The following ABCA12 variants were observed in gnomAD, a reference collection of about 807,000 sequenced individuals.
ABCA12 encodes ATP binding cassette subfamily A member 12.
In ABCA12, 156 loss-of-function variants were observed where a neutral mutation model predicts 293.5. The observed-to-expected ratio is 0.53, with a 90% confidence interval of 0.47 to 0.61. The LOEUF (loss-of-function observed/expected upper bound fraction) is 0.61, where lower values mean the gene tolerates loss of function less well. Ranked by LOEUF, ABCA12 falls within the 20% of genes least tolerant of loss-of-function variation. The pLI is 0.00. For synonymous variants in ABCA12, 1,063 were observed against 1,108.0 expected, an observed-to-expected ratio of 0.96 and a Z score of 0.81; for missense variants, 2,797 against 3,090.2, an observed-to-expected ratio of 0.91 and a Z score of 2.25.
intron 41 of ABCA12, among the ~76,000 whole-genome samples, chr2:214,957,994 C>T (rs1160143750): frequency 1.3e-5 from 2 of 152,114 alleles, no homozygotes; most frequent in African/African-American, 2.4e-5. Flanking sequence ...TCTCCACGCT[C>T]CCCTCCTAAG....
rs781667702 is a variant in ABCA12, at chr2:214,955,358, A to G, written c.6237T>C (p.Tyr2079=). ...GCAAGTACATCCAGGAAAATGTTGC[A>G]TACCTGCAGGTTAAAAACACAAAGA... is the stretch of plus-strand genomic sequence containing the variant. ...AVSLLLLLFG[Y]ATFSWMYLLA... Residue 2079 remains tyrosine, a synonymous_variant, in exon 43 of 53, where the codon TAT becomes TAC. Coordinates refer to ENST00000272895, the MANE Select transcript of ABCA12 (RefSeq NM_173076.3). The G allele has an allele frequency of 1.2e-6, 2 of 1,614,114 alleles. No homozygotes were observed. The highest frequency in any genetic ancestry group is 1.1e-5 in the South Asian group (1 of 91,088).
chr2:215,050,361 AC>A (rs1024613686), intron 5 of ABCA12, among the ~76,000 whole-genome samples: 7 of 152,284 alleles, frequency 4.6e-5, no homozygotes, highest in Admixed American at 3.9e-4. Flanking sequence ...AAAAAGGAAA[AC>A]GTATGTGAAA....
At chr2:215,071,052 C>G (rs994095189) in intron 2 of ABCA12, among the ~76,000 whole-genome samples, 1 of 151,616 alleles carries the variant, frequency 6.6e-6, no homozygotes, top group African/African-American at 2.4e-5. Context: ...CACAAACTAT[C>G]TCGGCATGCT....
At position 214,968,506 on chromosome 2, in the gene ABCA12, C is replaced by CTACTA. The variant is rs1699314005; in HGVS notation, c.5778+209_5778+213dup. 2.0e-5 allele frequency among the ~76,000 whole-genome samples: 3 copies of CTACTA among 152,000 alleles called. No homozygotes were observed. The South Asian group carries it at 6.2e-4, about 32-fold the overall frequency. On this transcript the variant is annotated intron_variant, in intron 38 of 52. Transcript: ENST00000272895. ...GCGTTTTTGGCTATTATGAGAAATG[C>CTACTA]TACTATGTATACACATTTGTACGTG...
intron 1 of ABCA12, among the ~76,000 whole-genome samples, chr2:215,126,614 AT>A (rs1265953673): frequency 6.6e-6 from 1 of 151,978 alleles, no homozygotes; most frequent in African/African-American, 2.4e-5. Context: ...GCCTTGAATG[AT>A]CTTTTGTATT....
chr2:215,134,473 T>A (rs1703148615), intron 1 of ABCA12, among the ~76,000 whole-genome samples: 1 of 130,288 alleles, frequency 7.7e-6, no homozygotes, highest in Admixed American at 7.8e-5. Context: ...CATATGTGTA[T>A]GTGTATATAT....
chr2:215,077,214 T>A (rs1444415168), intron 2 of ABCA12, among the ~76,000 whole-genome samples: 2 of 152,218 alleles, frequency 1.3e-5, no homozygotes, highest in Admixed American at 1.3e-4. Flanking sequence ...AGGTCTGTTA[T>A]TTTTGTGCTT....
rs75199998 is a variant in ABCA12 at position 215,032,012 on chromosome 2, A to G, written c.986-116T>C. On this transcript the variant is annotated intron_variant, in intron 8 of 52. Coordinates refer to ENST00000272895, the MANE Select transcript of ABCA12 (RefSeq NM_173076.3). ...GAGGAGAAAATGCAGAAATCTGCAGAATCATTCTCAAAAGAATTGTATAAA... is the reference window on the plus strand; with the variant it reads ...GAGGAGAAAATGCAGAAATCTGCAGGATCATTCTCAAAAGAATTGTATAAA... 4.6e-4 allele frequency: 714 copies of G among 1,567,122 alleles called. 8 individuals carry two copies. In the African/African-American group the frequency reaches 8.8e-3, roughly 19 times the overall value.
At chr2:214,950,376 A>G (rs1365359588) in intron 45 of ABCA12, among the ~76,000 whole-genome samples, 18 of 77,636 alleles carry the variant, frequency 2.3e-4, no homozygotes, top group South Asian at 7.1e-4. Flanking sequence ...GTGTGTGTAT[A>G]TATATATCTG....
intron 19 of ABCA12, among the ~76,000 whole-genome samples, chr2:215,005,443 C>T (rs908616185): frequency 6.6e-6 from 1 of 152,090 alleles, no homozygotes; most frequent in Non-Finnish European, 1.5e-5. Context: ...ACATATTAGT[C>T]GAGCACATAT....
chr2:215,073,944 GA>G (rs528031449), intron 2 of ABCA12, among the ~76,000 whole-genome samples: 140 of 152,294 alleles, frequency 9.2e-4, no homozygotes, highest in Non-Finnish European at 1.4e-3. Context: ...CCCCTTCTGG[GA>G]AAGCCAGAAT....
At chr2:215,065,064 A>G (rs1435141920) in intron 2 of ABCA12, among the ~76,000 whole-genome samples, 3 of 151,932 alleles carry the variant, frequency 2.0e-5, no homozygotes, top group African/African-American at 7.2e-5. Context: ...AGTAATTTTC[A>G]TAGTGAGGGG....
intron 2 of ABCA12, among the ~76,000 whole-genome samples, chr2:215,069,626 C>T (rs906210902): frequency 2.0e-5 from 3 of 152,134 alleles, no homozygotes; most frequent in South Asian, 2.1e-4. Context: ...TGTTCTCCTT[C>T]GCATGCACCT....
At chr2:214,962,355 T>C (rs1257860810) in intron 39 of ABCA12, 3 of 152,204 alleles carry the variant, frequency 2.0e-5, no homozygotes, top group Admixed American at 2.0e-4. Context: ...TTCTAGGCCT[T>C]AGAGAAATAA....
intron 1 of ABCA12, among the ~76,000 whole-genome samples, chr2:215,136,565 T>A (rs1212375119): frequency 6.6e-6 from 1 of 152,166 alleles, no homozygotes; most frequent in African/African-American, 2.4e-5. Context: ...TTCCTCTGTG[T>A]TTTTGTTTTT....
chr2:215,003,419 C>T (rs1264658823), intron 20 of ABCA12, among the ~76,000 whole-genome samples: 2 of 152,148 alleles, frequency 1.3e-5, no homozygotes, highest in Admixed American at 1.3e-4. Context: ...TTTTGAGTCT[C>T]CCCATTGCGT....
At chr2:215,035,408 G>C (rs1014815458) in intron 8 of ABCA12, among the ~76,000 whole-genome samples, 3 of 152,098 alleles carry the variant, frequency 2.0e-5, no homozygotes, top group Non-Finnish European at 2.9e-5. Flanking sequence ...GGTGGCTCAT[G>C]CCTGTAATCC....
rs574554494 is a variant in ABCA12 at position 215,074,812 on chromosome 2, C to T, written c.164-10593G>A. Among the ~76,000 whole-genome samples, 31 of 151,780 alleles carry T rather than the reference C, an allele frequency of 2.0e-4. No homozygotes were observed. The South Asian group carries it at 2.5e-3, about 12-fold the overall frequency. ...CAAAAATTAGCTGGGTGTGGTGGTGCGTGCCTGTAGTCCCAGCTACTTGGG... is the reference window on the plus strand; with the variant it reads ...CAAAAATTAGCTGGGTGTGGTGGTGTGTGCCTGTAGTCCCAGCTACTTGGG... On this transcript the variant is annotated intron_variant, in intron 2 of 52. Coordinates refer to ENST00000272895, the MANE Select transcript of ABCA12 (RefSeq NM_173076.3).
At position 214,997,800 on chromosome 2, in the gene ABCA12, G is replaced by A. The variant is rs763953201; in HGVS notation, c.3189C>T (p.Thr1063=). The change falls in exon 23 of 53, where the codon ACC becomes ACT. Residue 1063 remains threonine, a synonymous_variant. Coordinates refer to ENST00000272895, the MANE Select transcript of ABCA12 (RefSeq NM_173076.3). ...CAATTGGAAGAGAATAAGAGACACT[G>A]GTTAGGAAGCTGTAAAACAAACAAA... ...YPCFMKDNFL[T]SVSYSLPIVL... is the part of the protein sequence containing the mutation. The A allele has an allele frequency of 7.5e-6, 12 of 1,607,424 alleles. No individual in the cohort carries two copies. Among genetic ancestry groups the A allele is most frequent in the African/African-American group, 1.3e-5 (1 of 74,714 alleles).
Sources: allele counts gnomAD v4.1 joint callset (sites outside exome capture counted in the v4.1 genomes callset), GRCh38; gene constraint gnomAD v4.1.1; transcripts MANE v1.5; gene names NCBI Gene and HGNC (gene_info 2026-07-23, HGNC 2026-07-21).